FGGY: variants seen among roughly 807,000 people sequenced by gnomAD.
The protein encoded by FGGY is FGGY carbohydrate kinase domain containing, also known as FGGY carbohydrate kinase domain-containing protein.
Under a neutral mutation model 71.3 loss-of-function variants are expected in FGGY, and 72 were observed. The observed-to-expected ratio is 1.01, with a 90% confidence interval of 0.84 to 1.23. FGGY has a LOEUF of 1.23. FGGY is among the 50% of genes most tolerant of loss of function. The pLI, the probability that FGGY is intolerant of heterozygous loss-of-function variation, is 0.00. For synonymous variants in FGGY, 251 were observed against 250.3 expected (o/e 1.00, Z -0.02); for missense variants, 668 against 682.3 (o/e 0.98, Z 0.23).
chr1:59,552,331 A>G (rs1271517575), intron 7 of FGGY, among the ~76,000 whole-genome samples: 1 of 152,212 alleles, frequency 6.6e-6, no homozygotes, highest in Non-Finnish European at 1.5e-5. Flanking sequence ...CTTGCAGGCT[A>G]AAGTCTCAGA....
At chr1:59,656,875 G>C (rs1292837763) in intron 11 of FGGY, among the ~76,000 whole-genome samples, 1 of 152,100 alleles carries the variant, frequency 6.6e-6, no homozygotes, top group East Asian at 1.9e-4. Context: ...GCAAGCTCAG[G>C]ATTTAAATTT....
intron 7 of FGGY, among the ~76,000 whole-genome samples, chr1:59,534,849 A>C (rs1363046990): frequency 6.6e-6 from 1 of 152,218 alleles, no homozygotes; most frequent in Non-Finnish European, 1.5e-5. Context: ...CATGGAAAGG[A>C]AAAACCAGTA....
chr1:59,606,664 C>G lies in FGGY; in HGVS notation c.904-1139C>G, dbSNP rs151152869. On this transcript the variant is annotated intron_variant, in intron 8 of 15. Coordinates refer to ENST00000303721, the MANE Select transcript of FGGY (RefSeq NM_018291.5). The stretch of plus-strand genomic sequence containing the variant: ...AAATCATGCTGACAGGGAGATAAAG[C>G]TTATGTTTTATGCTTTGTTTATAAT... Among the ~76,000 whole-genome samples the G allele has an allele frequency of 1.1e-4, 16 of 152,150 alleles. No individual in the cohort carries two copies. The East Asian group carries it at 3.1e-3, about 29-fold the overall frequency.
intron 5 of FGGY, among the ~76,000 whole-genome samples, chr1:59,436,280 C>T (rs2068448741): frequency 6.6e-6 from 1 of 152,128 alleles, no homozygotes; most frequent in South Asian, 2.1e-4. Flanking sequence ...GGCAGGCACC[C>T]TCTGCCCTTC....
intron 14 of FGGY, among the ~76,000 whole-genome samples, chr1:59,727,127 G>A (rs2097956961): frequency 6.6e-6 from 1 of 152,180 alleles, no homozygotes; most frequent in South Asian, 2.1e-4. Flanking sequence ...CCACTGACAA[G>A]TGAGAATATG....
chr1:59,760,431 T>A (rs1328117716), intron 15 of FGGY, among the ~76,000 whole-genome samples: 1 of 152,194 alleles, frequency 6.6e-6, no homozygotes, highest in Non-Finnish European at 1.5e-5. Context: ...GATTCAGGAA[T>A]TGTATTTCTG....
In FGGY at chr1:59,660,308, T is replaced by C. The variant is rs775123358; in HGVS notation, c.1296+15T>C. The C allele has an allele frequency of 9.3e-6, 15 of 1,609,016 alleles. No individual in the cohort carries two copies. The African/African-American group carries it at 2.0e-4, about 21-fold the overall frequency. On this transcript the variant is annotated intron_variant, in intron 12 of 15. Transcript: ENST00000303721. ...AAGCCATTGCTGTAAGATACTGTAA[T>C]GCCATTTTTAAAGAGACTTAGAGCC... is the stretch of plus-strand genomic sequence containing the variant.
chr1:59,305,931 C>G (rs143383826), intron 1 of FGGY, among the ~76,000 whole-genome samples: 169 of 152,286 alleles, frequency 1.1e-3, no homozygotes, highest in Non-Finnish European at 2.1e-3. Context: ...CCTTTTTGTT[C>G]TCCACAGACT....
intron 6 of FGGY, among the ~76,000 whole-genome samples, chr1:59,459,364 G>C (rs1199465517): frequency 2.0e-5 from 3 of 152,210 alleles, no homozygotes; most frequent in African/African-American, 7.2e-5. Flanking sequence ...CTTTCAAGGA[G>C]GTATTTGGAT....
chr1:59,309,841 G>A (rs1336185014), intron 1 of FGGY, among the ~76,000 whole-genome samples: 1 of 152,040 alleles, frequency 6.6e-6, no homozygotes, highest in East Asian at 1.9e-4. Context: ...TTAGCTGGGT[G>A]TGGTGGTGTG....
At chr1:59,563,480 CA>C (rs568685641) in intron 8 of FGGY, among the ~76,000 whole-genome samples, 70 of 152,230 alleles carry the variant, frequency 4.6e-4, no homozygotes, top group African/African-American at 1.6e-3. Flanking sequence ...ATACAACTTA[CA>C]GGGGATATGA....
intron 14 of FGGY, among the ~76,000 whole-genome samples, chr1:59,722,678 TA>T (rs1381064109): frequency 6.6e-6 from 1 of 152,224 alleles, no homozygotes; most frequent in Non-Finnish European, 1.5e-5. Flanking sequence ...TGTGAGGTTT[TA>T]AAAAATTATT....
rs553458053 is a variant in FGGY at position 59,746,514 on chromosome 1, A to T, written c.1513-11417A>T. ...AAAACTTCCCTTTTTTTGAGACAGC[A>T]TCTTACTGTGTCGCCCAGGCTGGAG... is the stretch of plus-strand genomic sequence containing the variant. On this transcript the variant is annotated intron_variant, in intron 14 of 15. Coordinates refer to ENST00000303721, the MANE Select transcript of FGGY (RefSeq NM_018291.5). 2.6e-5 allele frequency among the ~76,000 whole-genome samples: 4 copies of T among 152,206 alleles called. No homozygotes were observed. In the East Asian group the frequency reaches 7.7e-4, roughly 29 times the overall value.
intron 11 of FGGY, among the ~76,000 whole-genome samples, chr1:59,654,174 A>G (rs998157334): frequency 2.6e-5 from 4 of 152,246 alleles, no homozygotes; most frequent in African/African-American, 9.6e-5. Flanking sequence ...GCCAAGTGTT[A>G]GCCTAGATTC....
Position 59,338,823 on chromosome 1 carries a change from AC to A in FGGY, c.202-1134del, listed in dbSNP as rs200653971. Reference sequence around the variant, plus strand: ...CTTTACTTACTTTTGCTAATAAGATACGTGCATTTTTAATTTTAATAAATGT... The same window carrying A: ...CTTTACTTACTTTTGCTAATAAGATAGTGCATTTTTAATTTTAATAAATGT... On this transcript the variant is annotated intron_variant, in intron 2 of 15. Coordinates refer to ENST00000303721, the MANE Select transcript of FGGY (RefSeq NM_018291.5). Among the ~76,000 whole-genome samples, 15 of 152,340 alleles carry A rather than the reference AC, an allele frequency of 9.8e-5. No individual in the cohort carries two copies. In the East Asian group the frequency reaches 2.7e-3, roughly 27 times the overall value.
intron 2 of FGGY, among the ~76,000 whole-genome samples, chr1:59,328,538 GTT>G (rs112484808): frequency 2.0e-5 from 3 of 152,286 alleles, no homozygotes; most frequent in African/African-American, 7.2e-5. Flanking sequence ...CAATAAGACT[GTT>G]TCACTTTCTT....
chr1:59,548,838 G>A (rs902798945), intron 7 of FGGY, among the ~76,000 whole-genome samples: 1 of 152,052 alleles, frequency 6.6e-6, no homozygotes, highest in Non-Finnish European at 1.5e-5. Flanking sequence ...GCACTGTTAT[G>A]GGTACTTTAC....
chr1:59,534,010 G>A (rs2095241836), intron 7 of FGGY, among the ~76,000 whole-genome samples: 1 of 152,214 alleles, frequency 6.6e-6, no homozygotes, highest in Non-Finnish European at 1.5e-5. Flanking sequence ...AGAGAAGAAG[G>A]CTTCAGACGA....
Position 59,443,639 on chromosome 1 carries a change from A to C in FGGY, c.555-13322A>C, listed in dbSNP as rs75273849. Among the ~76,000 whole-genome samples, 488 of 152,332 alleles carry C rather than the reference A, an allele frequency of 3.2e-3. 25 individuals carry two copies. The East Asian group carries it at 0.08, about 25-fold the overall frequency. On this transcript the variant is annotated intron_variant, in intron 5 of 15. Coordinates refer to ENST00000303721, the MANE Select transcript of FGGY (RefSeq NM_018291.5). ...GGAAGATAAGGATTATATAGACACC[A>C]CTGTCCTTATACACACTGTGTTGTC...
Sources: gnomAD v4.1 joint callset for allele counts (sites outside exome capture counted in the v4.1 genomes callset) on GRCh38, gnomAD v4.1.1 for gene constraint, MANE v1.5 for transcripts, NCBI Gene and HGNC (gene_info 2026-07-23, HGNC 2026-07-21) for gene names.